Variants in COA1 observed in about 807,000 individuals in gnomAD.
The protein encoded by COA1 is cytochrome c oxidase assembly factor 1, also known as cytochrome c oxidase assembly factor 1 homolog.
COA1 carries 13 observed loss-of-function variants against 16.0 expected under a neutral mutation model. The observed-to-expected ratio is 0.81, with a 90% CI of 0.53 to 1.29. COA1 has a LOEUF of 1.29. Ranked by LOEUF, COA1 falls within the 50% of genes most tolerant of loss-of-function variation. The pLI, the probability that COA1 is intolerant of heterozygous loss-of-function variation, is 0.00. For missense variants in COA1, 179 were observed against 177.0 expected, an observed-to-expected ratio of 1.01 and a Z score of -0.06; for synonymous variants, 65 against 65.7, an observed-to-expected ratio of 0.99 and a Z score of 0.05.
chr7:43,714,093 A>C (rs1444823285), intron 1 of COA1, among the ~76,000 whole-genome samples: 1 of 152,160 alleles, frequency 6.6e-6, no homozygotes, highest in African/African-American at 2.4e-5. Context: ...GCTACTCAGG[A>C]GGGAGGATCA....
chr7:43,685,543 T>C (rs1014442854), intron 1 of COA1, among the ~76,000 whole-genome samples: 3 of 152,204 alleles, frequency 2.0e-5, no homozygotes, highest in African/African-American at 7.2e-5. Context: ...TCCAAACAAA[T>C]ATTAATTGAT....
At chr7:43,725,097 G>A (rs190334382) in intron 1 of COA1, among the ~76,000 whole-genome samples, 2 of 152,274 alleles carry the variant, frequency 1.3e-5, no homozygotes, top group East Asian at 3.9e-4. Flanking sequence ...AATTAGCTAG[G>A]TGTGGTGGCG....
Position 43,666,443 on chromosome 7 carries a change from A to G in COA1, c.-38-17791T>C, listed in dbSNP as rs2092894744. 2.0e-5 allele frequency among the ~76,000 whole-genome samples: 3 copies of G among 152,354 alleles called. No homozygotes were observed. In the South Asian group the frequency reaches 6.2e-4, roughly 32 times the overall value. On this transcript the variant is annotated intron_variant, in intron 1 of 5. Transcript: ENST00000223336. Reference sequence around the variant, plus strand: ...AACCCTATTAAGAAACTGGCAAATGAAAAATCTTAACAAGGGCTCAATCTT... The same window carrying G: ...AACCCTATTAAGAAACTGGCAAATGGAAAATCTTAACAAGGGCTCAATCTT...
At chr7:43,728,123 C>G (rs959647983) in intron 1 of COA1, among the ~76,000 whole-genome samples, 1 of 151,980 alleles carries the variant, frequency 6.6e-6, no homozygotes, top group South Asian at 2.1e-4. Context: ...TACAGGCTCC[C>G]GCCACCACGC....
At chr7:43,671,227 C>T (rs1221881275) in intron 1 of COA1, among the ~76,000 whole-genome samples, 6 of 152,034 alleles carry the variant, frequency 3.9e-5, no homozygotes, top group Admixed American at 3.9e-4. Context: ...ATTAGACAAT[C>T]GTTCCTTGAT....
At chr7:43,609,337 A>G (rs2082669774) in exon 7 of COA1, 1 of 152,318 alleles carries the variant, frequency 6.6e-6, no homozygotes, top group South Asian at 2.1e-4. Flanking sequence ...ATTTGGAACC[A>G]GTAAGTGTGC....
chr7:43,677,800 TAAA>T (rs11310207), intron 1 of COA1, among the ~76,000 whole-genome samples: 9,949 of 116,810 alleles, frequency 0.085, 459 homozygotes, highest in East Asian at 0.2. Flanking sequence ...GGCTCTGTCT[TAAA>T]AAAAAAAAAA....
chr7:43,724,694 T>A (rs1453398653), intron 1 of COA1, among the ~76,000 whole-genome samples: 1 of 152,232 alleles, frequency 6.6e-6, no homozygotes, highest in East Asian at 1.9e-4. Flanking sequence ...ATGTGTTCTA[T>A]GGAATACAAT....
Position 43,645,287 on chromosome 7 carries a change from G to A in COA1, c.228C>T (p.Ile76=), listed in dbSNP as rs753255971. ...CAATGTCCACGAAGTTTTCCCTGTC[G>A]ATGAGCTTGAGATAATGGATGTTGA... is the stretch of plus-strand genomic sequence containing the variant. The part of the protein sequence containing the change: ...PPLNIHYLKL[I]DRENFVDIVD... The change falls in exon 4 of 6, where the codon ATC becomes ATT. Residue 76 remains isoleucine (I), a synonymous_variant. Coordinates refer to ENST00000223336, the MANE Select transcript of COA1 (RefSeq NM_018224.4). 16 of 1,614,034 alleles carry A rather than the reference G, an allele frequency of 9.9e-6. No individual in the cohort carries two copies. Among genetic ancestry groups the A allele is most frequent in the South Asian group, 2.2e-5 (2 of 91,076 alleles).
chr7:43,613,668 C>T (rs776432633), intron 6 of COA1, among the ~76,000 whole-genome samples: 1 of 151,938 alleles, frequency 6.6e-6, no homozygotes, highest in Admixed American at 6.6e-5. Context: ...CATAGTGAGA[C>T]CTCATCTCCA....
chr7:43,623,772 A>G, intron 6 of COA1: 1 of 1,609,008 alleles, frequency 6.2e-7, no homozygotes, highest in Non-Finnish European at 8.5e-7. Context: ...GCAATGATAA[A>G]CAAGAAACAT....
chr7:43,708,704 T>C (rs2095095803), intron 1 of COA1, among the ~76,000 whole-genome samples: 1 of 152,180 alleles, frequency 6.6e-6, no homozygotes. Context: ...GCTTGTCTTT[T>C]TCTCTCTTAC....
At chr7:43,654,040 A>G (rs1456507732) in intron 1 of COA1, among the ~76,000 whole-genome samples, 1 of 152,184 alleles carries the variant, frequency 6.6e-6, no homozygotes. Flanking sequence ...GGAAATTTCC[A>G]CTAACCACAA....
chr7:43,720,504 A>G (rs1335392271), intron 1 of COA1, among the ~76,000 whole-genome samples: 2 of 152,100 alleles, frequency 1.3e-5, no homozygotes, highest in Non-Finnish European at 2.9e-5. Flanking sequence ...GGGGAGTGAC[A>G]TGATCAGATT....
intron 4 of COA1, among the ~76,000 whole-genome samples, chr7:43,644,019 G>A (rs1471022636): frequency 6.6e-6 from 1 of 152,084 alleles, no homozygotes; most frequent in African/African-American, 2.4e-5. Context: ...TGTGGCCCCT[G>A]GTGGCCGCAG....
chr7:43,668,543 CATTT>C (rs1429702968), intron 1 of COA1, among the ~76,000 whole-genome samples: 1 of 152,208 alleles, frequency 6.6e-6, no homozygotes, highest in Non-Finnish European at 1.5e-5. Context: ...GCTTATCATA[CATTT>C]GTCATTAAAT....
intron 1 of COA1, among the ~76,000 whole-genome samples, chr7:43,701,574 C>T (rs1302262467): frequency 2.0e-5 from 3 of 152,182 alleles, no homozygotes; most frequent in Non-Finnish European, 2.9e-5. Flanking sequence ...AATAAATGTA[C>T]AAATGTATGT....
intron 1 of COA1, among the ~76,000 whole-genome samples, chr7:43,663,684 A>AC (rs1474069714): frequency 6.7e-6 from 1 of 150,048 alleles, no homozygotes; most frequent in Admixed American, 6.7e-5. Flanking sequence ...AAAAAAAAAA[A>AC]AAAACACACA....
downstream of COA1, among the ~76,000 whole-genome samples, chr7:43,635,169 C>T (rs895920796): frequency 6.6e-6 from 1 of 152,084 alleles, no homozygotes; most frequent in Non-Finnish European, 1.5e-5. Flanking sequence ...AATATTGACT[C>T]AGTCAAACCA....
Sources: allele counts gnomAD v4.1 joint callset (sites outside exome capture counted in the v4.1 genomes callset), GRCh38; gene constraint gnomAD v4.1.1; transcripts MANE v1.5; gene names NCBI Gene and HGNC (gene_info 2026-07-23, HGNC 2026-07-21).